PIKFYVE: variants seen among roughly 807,000 people sequenced by gnomAD.
PIKFYVE encodes the protein 1-phosphatidylinositol 3-phosphate 5-kinase.
PIKFYVE carries 122 observed loss-of-function variants against 257.9 expected under a neutral mutation model. The ratio of observed to expected loss-of-function variants is 0.47; its 90% CI spans 0.41 to 0.55. The LOEUF is 0.55. Among genes scored for constraint, PIKFYVE ranks in the 20% least tolerant of loss-of-function variants. The pLI is 0.00. For synonymous variants in PIKFYVE, 892 were observed against 868.9 expected (o/e 1.03, Z -0.47); for missense variants, 2,160 against 2,536.6 (o/e 0.85, Z 3.19).
intron 28 of PIKFYVE, 37 bp from the exon 29 acceptor site, chr2:208,338,471 T>C: frequency 6.3e-7 from 1 of 1,598,356 alleles, no homozygotes; most frequent in Non-Finnish European, 8.6e-7. Flanking sequence ...GTGATTTTCA[T>C]GTTTTCCATA....
rs4675758 is a variant in PIKFYVE, at chr2:208,356,003, A to G, written c.*698A>G. On this transcript the variant is annotated 3_prime_UTR_variant, in exon 42 of 42. Transcript: ENST00000264380. ...GCCTCCTTTTAGAGATATTTTTAAA[A>G]CTTGTTTAAAATTTTTGTGCAATTC... is the stretch of plus-strand genomic sequence containing the variant. 141,933 of 152,662 alleles carry G rather than the reference A, an allele frequency of 0.93. 66,523 individuals are homozygous for G. Among genetic ancestry groups the G allele is most frequent in the Non-Finnish European group, 0.98 (66,862 of 68,036 alleles). 9.5% of individuals were successfully genotyped at this position (152,662 alleles called of 1,614,324 possible). A position where few individuals can be genotyped will look rare whatever the true frequency, so the allele number is the denominator to read the frequency against.
In PIKFYVE at chr2:208,315,284, T is replaced by C. The variant is rs1695369663; in HGVS notation, c.1918T>C (p.Leu640=). 2.5e-6 allele frequency: 4 copies of C among 1,614,040 alleles called. No individual in the cohort carries two copies. Among genetic ancestry groups the C allele is most frequent in the African/African-American group, 2.7e-5 (2 of 74,938 alleles). ...SSSWRDIIVS[L]VCQVVQTVRP... is the part of the protein sequence containing the mutation. ...ATCTTGGAGGGACATCATCGTGTCATTGGTCTGCCAGGTTGTTCAGACAGT... is the reference window on the plus strand; with the variant it reads ...ATCTTGGAGGGACATCATCGTGTCACTGGTCTGCCAGGTTGTTCAGACAGT... Residue 640 remains leucine, a synonymous_variant, in exon 15 of 42, where the codon TTG becomes CTG. Coordinates refer to ENST00000264380, the MANE Select transcript of PIKFYVE (RefSeq NM_015040.4).
At chr2:208,285,986 T>G in intron 6 of PIKFYVE, 53 bp downstream of exon 6, 1 of 1,548,668 alleles carries the variant, frequency 6.5e-7, no homozygotes, top group Non-Finnish European at 8.9e-7. Flanking sequence ...TCGATAGTTG[T>G]CTGACCTTTG....
At position 208,324,919 on chromosome 2, in the gene PIKFYVE, G is replaced by A. The variant is rs956826959; in HGVS notation, c.2340G>A (p.Leu780=). The A allele has an allele frequency of 1.2e-6, 2 of 1,613,836 alleles. No individual in the cohort carries two copies. The highest frequency in any genetic ancestry group is 1.7e-6 in the Non-Finnish European group (2 of 1,179,860). ...TLVINVKSQV[L]ERISRMTQGD... ...GTTTTTCTGTTTTGTAGCAAGTTTT[G>A]GAACGAATCAGTCGAATGACCCAAG... The change falls in exon 19 of 42, where the codon TTG becomes TTA. Residue 780 remains leucine, a synonymous_variant. Transcript: ENST00000264380.
chr2:208,355,122 C>T (rs1297642073), intron 41 of PIKFYVE, 68 bp from the exon 42 acceptor site: 5 of 1,166,406 alleles, frequency 4.3e-6, no homozygotes, highest in South Asian at 1.3e-5. Context: ...AGAACATGGT[C>T]AGTTGACTTC....
At chr2:208,347,749 TG>T in intron 34 of PIKFYVE, 109 bp from the exon 35 acceptor site, 1 of 912,502 alleles carries the variant, frequency 1.1e-6, no homozygotes, top group East Asian at 2.6e-5. Context: ...TTACTCAGAT[TG>T]ATTAGCTTCA....
At chr2:208,302,202 T>G in intron 9 of PIKFYVE, 40 bp from the exon 10 acceptor site, 1 of 1,569,120 alleles carries the variant, frequency 6.4e-7, no homozygotes, top group South Asian at 1.1e-5. Flanking sequence ...CTATTCTGAC[T>G]GACTTTTAAA....
At chr2:208,310,491 A>G (rs184417066) in intron 12 of PIKFYVE, among the ~76,000 whole-genome samples, 1 of 152,288 alleles carries the variant, frequency 6.6e-6, no homozygotes, top group East Asian at 1.9e-4. Flanking sequence ...CAGTTAAAAT[A>G]TATTTTATTA....
Position 208,301,093 on chromosome 2 carries a change from A to G in PIKFYVE, c.1207A>G (p.Arg403Gly). Residue 403 changes from arginine to glycine, a missense_variant and splice_region_variant, in exon 9 of 42, where the codon AGG (arginine) becomes GGG (glycine). Arg to Gly is a moderately radical substitution (Grantham distance 125, BLOSUM62 -2). This residue lies in a region of PIKFYVE where 90 missense variants were observed against 110.6 expected (regional missense o/e 0.81). Coordinates refer to ENST00000264380, the MANE Select transcript of PIKFYVE (RefSeq NM_015040.4). ...AATCCGAAATGGGCATATTGCCACA[A>G]GGTATTCTGATCTTAGAAGGTTTCA... ...WLIRNGHIAT[R>G]AQAIAIGQAM... 6.2e-7 allele frequency: 1 copy of G among 1,613,986 alleles called. No individual in the cohort carries two copies. Among genetic ancestry groups the G allele is most frequent in the African/African-American group, 1.3e-5 (1 of 75,076 alleles).
chr2:208,318,487 G>T (rs1019966470), intron 16 of PIKFYVE, among the ~76,000 whole-genome samples: 1 of 152,198 alleles, frequency 6.6e-6, no homozygotes, highest in African/African-American at 2.4e-5. Flanking sequence ...CAAGGGCTTT[G>T]TATGTCATTA....
chr2:208,334,620 C>T (rs1273313989), intron 24 of PIKFYVE: 1 of 152,540 alleles, frequency 6.6e-6, no homozygotes, highest in Non-Finnish European at 1.5e-5. Context: ...TTTCACCTGC[C>T]CTGACACTCC....
At chr2:208,285,244 C>T (rs769772217) in intron 5 of PIKFYVE, among the ~76,000 whole-genome samples, 5 of 151,988 alleles carry the variant, frequency 3.3e-5, no homozygotes, top group Non-Finnish European at 5.9e-5. Context: ...TACAGGTATG[C>T]GTTACCATGC....
intron 30 of PIKFYVE, 32 bp downstream of exon 30, chr2:208,339,587 T>C (rs780032262): frequency 1.9e-6 from 3 of 1,611,612 alleles, no homozygotes; most frequent in Non-Finnish European, 2.5e-6. Flanking sequence ...CCATATTTCA[T>C]TGTATCTAAG....
rs1213037866 is a variant in PIKFYVE at position 208,336,150 on chromosome 2, C to T, written c.4470C>T (p.Leu1490=). Residue 1490 remains leucine, a synonymous_variant, in exon 27 of 42, where the codon CTC becomes CTT. Transcript: ENST00000264380. ...PQQLQSVFES[L]IAKKQSLCEV... is the part of the protein sequence containing the mutation. ...AACTGCAGTCGGTCTTTGAGTCACT[C>T]ATTGCCAAGAAACAAAGTCTCTGTG... is the stretch of plus-strand genomic sequence containing the variant. The T allele has an allele frequency of 6.2e-7, 1 of 1,614,026 alleles. No homozygotes were observed. Among genetic ancestry groups the T allele is most frequent in the South Asian group, 1.1e-5 (1 of 91,072 alleles).
intron 11 of PIKFYVE, among the ~76,000 whole-genome samples, 171 bp downstream of exon 11, chr2:208,304,489 T>C (rs1694083182): frequency 6.6e-6 from 1 of 152,218 alleles, no homozygotes; most frequent in African/African-American, 2.4e-5. Flanking sequence ...TTAAACCAAC[T>C]TGTTAGGTTG....
At position 208,271,504 on chromosome 2, in the gene PIKFYVE, T is replaced by C. The variant is rs1158507879; in HGVS notation, c.-9-7T>C. ...TTAGATTTTTGCTTGTTTCTTTTGT[T>C]TTTCAGACTCATGAAATGGCCACAG... On this transcript the variant is annotated splice_polypyrimidine_tract_variant and splice_region_variant and intron_variant, in intron 1 of 41. Transcript: ENST00000264380. The C allele has an allele frequency of 1.2e-6, 2 of 1,613,946 alleles. No homozygotes were observed. Among genetic ancestry groups the C allele is most frequent in the Admixed American group, 3.3e-5 (2 of 60,006 alleles).
chr2:208,335,487 C>T (rs976152481), intron 25 of PIKFYVE, 68 bp downstream of exon 25: 4 of 1,256,526 alleles, frequency 3.2e-6, no homozygotes, highest in Non-Finnish European at 3.4e-6. Context: ...CAGATTTATT[C>T]ATTTTATTTT....
intron 5 of PIKFYVE, among the ~76,000 whole-genome samples, chr2:208,283,367 C>T (rs553020558): frequency 6.6e-6 from 1 of 152,258 alleles, no homozygotes; most frequent in Admixed American, 6.5e-5. Flanking sequence ...CCCATCACAC[C>T]ATATAGGCAT....
chr2:208,324,856 A>T, intron 18 of PIKFYVE, 55 bp from the exon 19 acceptor site: 1 of 1,585,038 alleles, frequency 6.3e-7, no homozygotes, highest in Non-Finnish European at 8.7e-7. Context: ...GATTAAATTT[A>T]CAAAGATTTT....
Sources: gnomAD v4.1 joint callset for allele counts (sites outside exome capture counted in the v4.1 genomes callset) on GRCh38, gnomAD v4.1.1 for gene constraint, gnomAD v4.1.1 regional missense constraint, MANE v1.5 for transcripts, NCBI Gene and HGNC (gene_info 2026-07-23, HGNC 2026-07-21) for gene names.